CCDC171: variants seen among roughly 807,000 people sequenced by gnomAD.
The protein encoded by CCDC171 is coiled-coil domain containing 171, also known as coiled-coil domain-containing protein 171.
In CCDC171, 177 loss-of-function variants were observed where a neutral mutation model predicts 168.2. That is an observed-to-expected ratio of 1.05 (90% CI 0.93 to 1.19). CCDC171 has a LOEUF of 1.19. CCDC171 is among the 50% of genes most tolerant of loss of function. The pLI, the probability that CCDC171 is intolerant of heterozygous loss-of-function variation, is 0.00. For synonymous variants in CCDC171, 687 were observed against 540.8 expected (o/e 1.27, Z -3.75); for missense variants, 1,991 against 1,539.0 (o/e 1.29, Z -4.91).
At position 15,593,912 on chromosome 9, in the gene CCDC171, T is replaced by C. The variant is rs186415968; in HGVS notation, c.544-129T>C. On this transcript the variant is annotated intron_variant, in intron 5 of 25. Coordinates refer to ENST00000380701, the MANE Select transcript of CCDC171 (RefSeq NM_173550.4). ...GATCAAATTATAGTTTTATTAATGA[T>C]TTTAACATGAATTATGATGAGTTTT... 1.9e-5 allele frequency: 12 copies of C among 620,076 alleles called. No individual in the cohort carries two copies. The East Asian group carries it at 3.4e-4, about 18-fold the overall frequency. The allele number at this position is 620,076 out of a possible 1,614,324, so 38.4% of individuals were successfully genotyped here.
At chr9:15,862,606 G>T (rs1360489557) in intron 23 of CCDC171, among the ~76,000 whole-genome samples, 1 of 149,142 alleles carries the variant, frequency 6.7e-6, no homozygotes. Context: ...TTGACTCTTT[G>T]TGTTGGTATC....
At chr9:15,805,483 C>G (rs576560914) in intron 21 of CCDC171, among the ~76,000 whole-genome samples, 1 of 152,216 alleles carries the variant, frequency 6.6e-6, no homozygotes, top group African/African-American at 2.4e-5. Flanking sequence ...TTGATTTCTG[C>G]CTTAATTTCA....
intron 24 of CCDC171, chr9:15,874,937 T>TTTCCTA: frequency 4.7e-6 from 1 of 213,036 alleles, no homozygotes; most frequent in Non-Finnish European, 9.2e-6. Flanking sequence ...AAGAAAATAC[T>TTTCCTA]TTCCTATCAG....
chr9:15,998,704 C>G (rs1405142900), intron 3 of CCDC171, among the ~76,000 whole-genome samples: 4 of 152,144 alleles, frequency 2.6e-5, no homozygotes, highest in Non-Finnish European at 5.9e-5. Flanking sequence ...CAGGATTGTC[C>G]TTCCTGGAAG....
intron 6 of CCDC171, among the ~76,000 whole-genome samples, chr9:15,599,194 A>G (rs1318595796): frequency 7.2e-5 from 11 of 152,262 alleles, no homozygotes; most frequent in Admixed American, 6.5e-4. Flanking sequence ...TGTCATTATA[A>G]TATTAGCTGG....
chr9:16,076,376 C>T, the CCDC171 span, among the ~76,000 whole-genome samples: 1 of 152,214 alleles, frequency 6.6e-6, no homozygotes, highest in Non-Finnish European at 1.5e-5. Context: ...GGGTTCCCCA[C>T]AGTTTCTATT....
chr9:15,787,601 T>C (rs1157929616), intron 21 of CCDC171, among the ~76,000 whole-genome samples: 1 of 152,130 alleles, frequency 6.6e-6, no homozygotes, highest in Non-Finnish European at 1.5e-5. Flanking sequence ...GGTATCTAAA[T>C]GTTACGCACA....
At chr9:15,623,495 A>C (rs1228492406) in intron 7 of CCDC171, 82 bp downstream of exon 7, 1 of 659,598 alleles carries the variant, frequency 1.5e-6, no homozygotes, top group Non-Finnish European at 2.4e-6. Flanking sequence ...ACACACACAC[A>C]CACACACACA....
rs548231596 is a variant in CCDC171, at chr9:15,651,379, G to A, written c.823-5748G>A. ...CTGCCTCGGCCTCCCAAAGTACTGG[G>A]ATTACAGGCGTGAGCCACCGTGCCT... On this transcript the variant is annotated intron_variant, in intron 7 of 25. Coordinates refer to ENST00000380701, the MANE Select transcript of CCDC171 (RefSeq NM_173550.4). Among the ~76,000 whole-genome samples the A allele has an allele frequency of 2.0e-5, 3 of 151,748 alleles. No homozygotes were observed. In the South Asian group the frequency reaches 6.3e-4, roughly 32 times the overall value.
intron 25 of CCDC171, among the ~76,000 whole-genome samples, chr9:15,929,449 T>C (rs1458082180): frequency 6.6e-6 from 1 of 151,782 alleles, no homozygotes; most frequent in Non-Finnish European, 1.5e-5. Context: ...TCAACACTTC[T>C]GTGCCCTGTT....
At chr9:15,813,696 TCTAC>T (rs1323325982) in intron 21 of CCDC171, among the ~76,000 whole-genome samples, 5 of 152,126 alleles carry the variant, frequency 3.3e-5, no homozygotes, top group Non-Finnish European at 5.9e-5. Flanking sequence ...GGGCTAGAGA[TCTAC>T]CTATTTATTA....
chr9:15,805,416 G>A (rs1172130854), intron 21 of CCDC171, among the ~76,000 whole-genome samples: 1 of 152,126 alleles, frequency 6.6e-6, no homozygotes, highest in Non-Finnish European at 1.5e-5. Flanking sequence ...TGCTTTAGCT[G>A]CATCCCAGAG....
chr9:15,731,993 A>C (rs780514327), intron 16 of CCDC171, among the ~76,000 whole-genome samples: 2 of 152,004 alleles, frequency 1.3e-5, no homozygotes, highest in African/African-American at 4.8e-5. Context: ...ACATATCTTC[A>C]TTTGTAAAGT....
chr9:15,726,397 G>T (rs2053804208), intron 14 of CCDC171, among the ~76,000 whole-genome samples: 1 of 152,182 alleles, frequency 6.6e-6, no homozygotes, highest in Non-Finnish European at 1.5e-5. Flanking sequence ...CCTTGAGGAT[G>T]AACTTCCTTG....
chr9:15,763,880 A>G (rs371653502), intron 18 of CCDC171, among the ~76,000 whole-genome samples: 1 of 152,320 alleles, frequency 6.6e-6, no homozygotes, highest in East Asian at 1.9e-4. Context: ...GAATATTCAT[A>G]TACATGTCTT....
chr9:15,710,696 A>G (rs1382694543), intron 11 of CCDC171, among the ~76,000 whole-genome samples: 1 of 151,858 alleles, frequency 6.6e-6, no homozygotes, highest in Non-Finnish European at 1.5e-5. Context: ...CCCAGGTTCA[A>G]GCGATTCTCC....
intron 23 of CCDC171, among the ~76,000 whole-genome samples, chr9:15,863,442 A>C (rs1433110838): frequency 6.6e-6 from 1 of 151,996 alleles, no homozygotes; most frequent in African/African-American, 2.4e-5. Context: ...TCTGGCTGCT[A>C]TCATTCTCCT....
intron 24 of CCDC171, among the ~76,000 whole-genome samples, chr9:15,898,272 G>C (rs1398135013): frequency 6.6e-6 from 1 of 152,156 alleles, no homozygotes; most frequent in South Asian, 2.1e-4. Flanking sequence ...TGATTGTAGA[G>C]TGTGGGGTTC....
intron 23 of CCDC171, among the ~76,000 whole-genome samples, chr9:15,874,328 A>T (rs901650304): frequency 2.6e-5 from 4 of 151,948 alleles, no homozygotes; most frequent in African/African-American, 9.7e-5. Context: ...AAGCAGGAGG[A>T]TGCTTTTTCT....
Sources: allele counts gnomAD v4.1 joint callset (sites outside exome capture counted in the v4.1 genomes callset), GRCh38; gene constraint gnomAD v4.1.1; transcripts MANE v1.5; gene names NCBI Gene and HGNC (gene_info 2026-07-23, HGNC 2026-07-21).